Variants in METTL6 observed in about 807,000 individuals in gnomAD.
METTL6 encodes the protein methyltransferase 6, tRNA N3-cytidine.
In METTL6, 22 loss-of-function variants were observed where a neutral mutation model predicts 26.4. The ratio of observed to expected loss-of-function variants is 0.83; its 90% CI spans 0.59 to 1.19. METTL6 has a LOEUF of 1.19. METTL6 is among the 50% of genes most tolerant of loss of function. The pLI is 0.00. For missense variants in METTL6, 304 were observed against 324.8 expected (o/e 0.94, Z 0.49); for synonymous variants, 109 against 116.2 (o/e 0.94, Z 0.40).
intron 6 of METTL6, among the ~76,000 whole-genome samples, chr3:15,400,434 A>G (rs1314818549): frequency 6.6e-6 from 1 of 152,172 alleles, no homozygotes; most frequent in Non-Finnish European, 1.5e-5. Flanking sequence ...TCTACTGTCA[A>G]GTTTATTCCA....
intron 3 of METTL6, 86 bp from the exon 4 acceptor site, chr3:15,416,028 A>G: frequency 8.4e-7 from 1 of 1,195,290 alleles, no homozygotes; most frequent in South Asian, 1.5e-5. Flanking sequence ...AGGCGATCCA[A>G]TTTCCACTTG....
intron 6 of METTL6, among the ~76,000 whole-genome samples, chr3:15,402,735 CA>C (rs548363790): frequency 0.018 from 1,043 of 57,630 alleles, 9 homozygotes; most frequent in African/African-American, 0.047. Flanking sequence ...GATTCCATCT[CA>C]AAAAAAAAAA....
intron 3 of METTL6, among the ~76,000 whole-genome samples, chr3:15,424,534 T>A (rs1409314777): frequency 5.3e-5 from 8 of 152,218 alleles, no homozygotes; most frequent in Non-Finnish European, 1.5e-5. Context: ...CCCAAACTGA[T>A]GGGATTACAA....
At chr3:15,381,881 T>C (rs1450581412) in exon 7 of METTL6, 3 of 151,000 alleles carry the variant, frequency 2.0e-5, no homozygotes, top group Non-Finnish European at 4.4e-5. Context: ...ATCCTACAAA[T>C]TGAGTTACTA....
chr3:15,408,467 A>G (rs941710593), downstream of METTL6, among the ~76,000 whole-genome samples: 1 of 150,600 alleles, frequency 6.6e-6, no homozygotes, highest in African/African-American at 2.4e-5. Flanking sequence ...GAGGAATGTG[A>G]GGTTCAAACA....
chr3:15,407,661 C>T (rs1272415626), downstream of METTL6, among the ~76,000 whole-genome samples: 2 of 152,224 alleles, frequency 1.3e-5, no homozygotes, highest in African/African-American at 4.8e-5. Context: ...GAAGGACCAA[C>T]AGCCCGTTAG....
At chr3:15,392,675 A>T (rs1218698037) in intron 6 of METTL6, among the ~76,000 whole-genome samples, 1 of 152,186 alleles carries the variant, frequency 6.6e-6, no homozygotes, top group Non-Finnish European at 1.5e-5. Flanking sequence ...ATTTTAGTAT[A>T]AGGAATAAGG....
chr3:15,407,074 T>C (rs544582185), downstream of METTL6, among the ~76,000 whole-genome samples: 4 of 152,274 alleles, frequency 2.6e-5, no homozygotes, highest in East Asian at 5.8e-4. Flanking sequence ...TGGAGTGCAG[T>C]GGCACAACCT....
chr3:15,401,536 C>CAAAAA (rs35578326), intron 6 of METTL6, among the ~76,000 whole-genome samples: 45 of 71,726 alleles, frequency 6.3e-4, no homozygotes, highest in African/African-American at 1.5e-3. Flanking sequence ...ATGTTCACGC[C>CAAAAA]AAAAAAAAAA....
chr3:15,393,287 GCT>G (rs562089495), intron 6 of METTL6, among the ~76,000 whole-genome samples: 80 of 152,216 alleles, frequency 5.3e-4, no homozygotes, highest in African/African-American at 1.5e-3. Flanking sequence ...TCATGATTTG[GCT>G]CTCTGTTTGT....
At chr3:15,389,154 CCTT>C (rs1699275268) in intron 6 of METTL6, among the ~76,000 whole-genome samples, 1 of 151,678 alleles carries the variant, frequency 6.6e-6, no homozygotes, top group African/African-American at 2.4e-5. Context: ...CCACACCTGG[CCTT>C]TTTTTTTTTT....
chr3:15,414,312 A>T, intron 4 of METTL6, 150 bp from the exon 5 acceptor site: 1 of 1,430,660 alleles, frequency 7.0e-7, no homozygotes. Context: ...CTACTACTTA[A>T]AAAGATAGTA....
chr3:15,387,209 C>A (rs928189696), intron 6 of METTL6, among the ~76,000 whole-genome samples: 2 of 152,238 alleles, frequency 1.3e-5, no homozygotes, highest in Non-Finnish European at 1.5e-5. Context: ...ATCTGATGAT[C>A]ACCTGACATT....
rs545362271 is a variant in METTL6 at position 15,427,426 on chromosome 3, C to T, written c.-149G>A. ...CCCCACAGCCAGCCCCACTGGGCCT[C>T]GGAGGCAGAATACGGGAAGAACCGC... On this transcript the variant is annotated 5_prime_UTR_variant, in exon 1 of 6. Transcript: ENST00000383790. The T allele has an allele frequency of 5.8e-5, 18 of 309,004 alleles. 1 individual carries two copies. Among genetic ancestry groups the T allele is most frequent in the Middle Eastern group, 1.2e-3 (1 of 854 alleles). The allele number at this position is 309,004 out of a possible 1,614,324, so 19.1% of individuals were successfully genotyped here.
chr3:15,426,571 A>T lies in METTL6; in HGVS notation c.-60T>A. ...AGATTCTCCATCACCAAATAATATG[A>T]ATCCACGCTAATGGATCAGATACAT... On this transcript the variant is annotated 5_prime_UTR_variant, in exon 2 of 6. Coordinates refer to ENST00000383790, the MANE Select transcript of METTL6 (RefSeq NM_152396.4). 1.4e-6 allele frequency: 2 copies of T among 1,438,034 alleles called. 1 individual carries two copies. Among genetic ancestry groups the T allele is most frequent in the South Asian group, 2.3e-5 (2 of 85,132 alleles). The allele number at this position is 1,438,034 out of a possible 1,614,324, so 89.1% of individuals were successfully genotyped here. A position where few individuals can be genotyped will look rare whatever the true frequency, so the allele number is the denominator to read the frequency against.
intron 3 of METTL6, among the ~76,000 whole-genome samples, chr3:15,417,221 C>T (rs1700244791): frequency 6.6e-6 from 1 of 152,088 alleles, no homozygotes; most frequent in Non-Finnish European, 1.5e-5. Flanking sequence ...CTTTGGGAGG[C>T]CAAGGCAGGT....
rs112099358 is a variant in METTL6 at position 15,390,271 on chromosome 3, T to C, written c.*12-6084A>G. Among the ~76,000 whole-genome samples, 1,151 of 151,896 alleles carry C rather than the reference T, an allele frequency of 7.6e-3. 23 individuals are homozygous for C. The highest frequency in any genetic ancestry group is 0.027 in the African/African-American group (1,102 of 41,394). ...GGTGAAACCCCATCTCTACTAAAAATACAAAAGTTAGCTGGGTGTGTTGGT... is the reference window on the plus strand; with the variant it reads ...GGTGAAACCCCATCTCTACTAAAAACACAAAAGTTAGCTGGGTGTGTTGGT... On this transcript the variant is annotated intron_variant, in intron 6 of 6. Transcript: ENST00000443029.
At chr3:15,392,170 G>A (rs1354173160) in intron 6 of METTL6, among the ~76,000 whole-genome samples, 3 of 152,142 alleles carry the variant, frequency 2.0e-5, no homozygotes, top group Admixed American at 6.6e-5. Flanking sequence ...GTTGTTTCCC[G>A]ACTTTTTAAT....
intron 6 of METTL6, among the ~76,000 whole-genome samples, chr3:15,385,538 C>T (rs1170930685): frequency 6.6e-6 from 1 of 152,100 alleles, no homozygotes; most frequent in Admixed American, 6.6e-5. Flanking sequence ...GCAGAGGTTG[C>T]AGTGAGCCAA....
Sources: gnomAD v4.1 joint callset for allele counts (sites outside exome capture counted in the v4.1 genomes callset) on GRCh38, gnomAD v4.1.1 for gene constraint, MANE v1.5 for transcripts, NCBI Gene and HGNC (gene_info 2026-07-23, HGNC 2026-07-21) for gene names.